The following CSGALNACT1 variants were observed in gnomAD, a reference collection of about 807,000 sequenced individuals.
CSGALNACT1 encodes chondroitin sulfate N-acetylgalactosaminyltransferase 1, also known as beta4GalNAcT-1.
CSGALNACT1 carries 52 observed loss-of-function variants against 51.0 expected under a neutral mutation model. The observed-to-expected ratio is 1.02, with a 90% confidence interval of 0.82 to 1.29. CSGALNACT1 has a LOEUF of 1.29. Among genes scored for constraint, CSGALNACT1 ranks in the 50% most tolerant of loss-of-function variants. CSGALNACT1 has a pLI of 0.00. For synonymous variants in CSGALNACT1, 341 were observed against 254.4 expected (o/e 1.34, Z -3.24); for missense variants, 935 against 679.2 (o/e 1.38, Z -4.19).
chr8:19,443,962 A>T (rs751398402), intron 5 of CSGALNACT1, among the ~76,000 whole-genome samples: 5 of 152,156 alleles, frequency 3.3e-5, no homozygotes, highest in Non-Finnish European at 7.4e-5. Flanking sequence ...CTCATAAGGA[A>T]CACACAACCT....
chr8:19,508,631 C>G (rs566131346), intron 3 of CSGALNACT1, among the ~76,000 whole-genome samples: 3 of 152,144 alleles, frequency 2.0e-5, no homozygotes, highest in African/African-American at 7.2e-5. Flanking sequence ...GACATGTTAT[C>G]GTGCTATTCT....
At chr8:19,689,507 T>C (rs936996157) in intron 1 of CSGALNACT1, among the ~76,000 whole-genome samples, 3 of 152,226 alleles carry the variant, frequency 2.0e-5, no homozygotes, top group Non-Finnish European at 2.9e-5. Flanking sequence ...TTTGAGCCAC[T>C]GTTTTGAAGA....
chr8:19,599,359 T>C (rs1222182440), intron 2 of CSGALNACT1, among the ~76,000 whole-genome samples: 2 of 148,608 alleles, frequency 1.3e-5, no homozygotes, highest in Admixed American at 6.8e-5. Flanking sequence ...AGGCCAAGCA[T>C]GGTGGCTCAC....
chr8:19,433,297 T>G (rs886191485), intron 6 of CSGALNACT1, among the ~76,000 whole-genome samples: 2 of 152,220 alleles, frequency 1.3e-5, no homozygotes, highest in Non-Finnish European at 2.9e-5. Flanking sequence ...TATCCTTTAC[T>G]TCTTGCTTCC....
At chr8:19,646,029 A>G (rs1454757856) in intron 1 of CSGALNACT1, among the ~76,000 whole-genome samples, 1 of 152,212 alleles carries the variant, frequency 6.6e-6, no homozygotes, top group Non-Finnish European at 1.5e-5. Context: ...TAAAAGAAAA[A>G]TAACAAGAAA....
At chr8:19,619,841 C>G (rs1037614105) in intron 1 of CSGALNACT1, among the ~76,000 whole-genome samples, 5 of 152,258 alleles carry the variant, frequency 3.3e-5, no homozygotes, top group African/African-American at 1.2e-4. Flanking sequence ...TAACATCAGA[C>G]TTGTTGACAA....
intron 3 of CSGALNACT1, among the ~76,000 whole-genome samples, chr8:19,572,456 C>G (rs2043235223): frequency 6.6e-6 from 1 of 152,152 alleles, no homozygotes; most frequent in Non-Finnish European, 1.5e-5. Flanking sequence ...CAACAGGACT[C>G]AAGAGTCTGT....
chr8:19,530,305 TACACATACACACACACACAC>T (rs1399725793), intron 3 of CSGALNACT1, among the ~76,000 whole-genome samples: 172 of 149,226 alleles, frequency 1.2e-3, no homozygotes, highest in African/African-American at 3.7e-3. Context: ...CATGAATGTG[TACACATACACACACACACAC>T]ACACACACAC....
intron 1 of CSGALNACT1, among the ~76,000 whole-genome samples, chr8:19,622,529 C>A (rs950999031): frequency 2.6e-5 from 4 of 152,196 alleles, no homozygotes; most frequent in African/African-American, 9.7e-5. Context: ...CTTCCCATTC[C>A]TATTACTACA....
At chr8:19,558,217 C>A (rs2039905348) in intron 3 of CSGALNACT1, among the ~76,000 whole-genome samples, 1 of 152,206 alleles carries the variant, frequency 6.6e-6, no homozygotes, top group African/African-American at 2.4e-5. Flanking sequence ...CTCAAGTATA[C>A]ATTTAAGCTA....
intron 9 of CSGALNACT1, among the ~76,000 whole-genome samples, chr8:19,406,980 A>G (rs1404662993): frequency 6.6e-6 from 1 of 152,198 alleles, no homozygotes; most frequent in Admixed American, 6.5e-5. Context: ...GAGTGCTGGG[A>G]ATACAGGCAT....
chr8:19,467,055 G>A (rs1013703297), intron 4 of CSGALNACT1, among the ~76,000 whole-genome samples: 2 of 147,326 alleles, frequency 1.4e-5, no homozygotes, highest in African/African-American at 5.0e-5. Flanking sequence ...CATCAGAAAT[G>A]TCTAAGAACT....
chr8:19,747,178 A>C (rs2064727224), intron 1 of CSGALNACT1, among the ~76,000 whole-genome samples: 1 of 152,220 alleles, frequency 6.6e-6, no homozygotes, highest in Non-Finnish European at 1.5e-5. Context: ...CGACAGGGGA[A>C]AAATGCAGTC....
chr8:19,488,721 A>G (rs1201840497), intron 4 of CSGALNACT1, among the ~76,000 whole-genome samples: 1 of 152,146 alleles, frequency 6.6e-6, no homozygotes, highest in Non-Finnish European at 1.5e-5. Flanking sequence ...TGACATGTGT[A>G]AAGACCCATA....
intron 4 of CSGALNACT1, among the ~76,000 whole-genome samples, chr8:19,479,301 T>C (rs575122916): frequency 6.2e-4 from 94 of 152,278 alleles, no homozygotes; most frequent in African/African-American, 1.9e-3. Flanking sequence ...ACACACTCCA[T>C]TGTCTTTGGA....
intron 1 of CSGALNACT1, among the ~76,000 whole-genome samples, chr8:19,712,119 A>G (rs2062545071): frequency 6.6e-6 from 1 of 152,034 alleles, no homozygotes; most frequent in Non-Finnish European, 1.5e-5. Flanking sequence ...TCCGCCTCCC[A>G]GGTTCACGGC....
intron 3 of CSGALNACT1, among the ~76,000 whole-genome samples, chr8:19,565,414 T>C (rs1332098252): frequency 7.2e-5 from 11 of 152,224 alleles, no homozygotes; most frequent in Non-Finnish European, 2.9e-5. Context: ...TCAACTATCA[T>C]GTAATTTTTA....
At chr8:19,670,727 A>G (rs1013129957) in intron 1 of CSGALNACT1, among the ~76,000 whole-genome samples, 1 of 152,004 alleles carries the variant, frequency 6.6e-6, no homozygotes, top group African/African-American at 2.4e-5. Context: ...TAGAAAAAAG[A>G]TAACACATGA....
intron 1 of CSGALNACT1, among the ~76,000 whole-genome samples, chr8:19,663,283 G>GT (rs2058916019): frequency 6.6e-6 from 1 of 152,124 alleles, no homozygotes; most frequent in Admixed American, 6.5e-5. Flanking sequence ...TGTACCTGAG[G>GT]TTTTTTTCTC....
Sources: gnomAD v4.1 joint callset for allele counts (sites outside exome capture counted in the v4.1 genomes callset) on GRCh38, gnomAD v4.1.1 for gene constraint, MANE v1.5 for transcripts, NCBI Gene and HGNC (gene_info 2026-07-23, HGNC 2026-07-21) for gene names.